IVNS1ABP: variants seen among roughly 807,000 people sequenced by gnomAD.
The protein encoded by IVNS1ABP is influenza virus NS1A binding protein, also known as influenza virus NS1A-binding protein.
In IVNS1ABP, 25 loss-of-function variants were observed where a neutral mutation model predicts 78.9. That is an observed-to-expected ratio of 0.32 (90% CI 0.23 to 0.44). The LOEUF (loss-of-function observed/expected upper bound fraction) is 0.44, where lower values mean the gene tolerates loss of function less well. Among genes scored for constraint, IVNS1ABP ranks in the 20% least tolerant of loss-of-function variants. The probability of loss-of-function intolerance (pLI) is 1.00; values close to 1 mark genes in which losing one functional copy is unlikely to be tolerated. For synonymous variants in IVNS1ABP, 241 were observed against 259.7 expected, an observed-to-expected ratio of 0.93 and a Z score of 0.69; for missense variants, 494 against 768.9, an observed-to-expected ratio of 0.64 and a Z score of 4.23.
Position 185,298,283 on chromosome 1 carries a change from G to C in IVNS1ABP, c.1681C>G (p.Leu561Val). ...CCATCAAAGCCACCACATACAAACA[G>C]TTTTCCTAAAAGAGAAATGAGATGG... Reference protein sequence around the residue: ...GAGVAVLNGKLFVCGGFDGSH... With the variant: ...GAGVAVLNGKVFVCGGFDGSH... Residue 561 changes from leucine to valine, a missense_variant, in exon 15 of 15, where the codon CTG becomes GTG. Leu to Val is a conservative substitution (Grantham distance 32, BLOSUM62 1). Transcript: ENST00000367498. This position sits in a 1 kb window ranked among gnomAD's most constrained non-coding sequence, Gnocchi z 4.1. 6.2e-7 allele frequency: 1 copy of C among 1,612,462 alleles called. No homozygotes were observed. The highest frequency in any genetic ancestry group is 8.5e-7 in the Non-Finnish European group (1 of 1,179,076).
At position 185,298,030 on chromosome 1, in the gene IVNS1ABP, A is replaced by G; in HGVS notation, c.*5T>C. 1.2e-6 allele frequency: 2 copies of G among 1,612,636 alleles called. No individual in the cohort carries two copies. Among genetic ancestry groups the G allele is most frequent in the Non-Finnish European group, 1.7e-6 (2 of 1,179,238 alleles). ...GCCTGTTAGTTTGAGAGGGTCTTAA[A>G]TTTGTTAAAACTGGAAAATCTTTGT... On this transcript the variant is annotated 3_prime_UTR_variant, in exon 15 of 15. Coordinates refer to ENST00000367498, the MANE Select transcript of IVNS1ABP (RefSeq NM_006469.5). The surrounding 1 kb of genome is among the most constrained non-coding windows in gnomAD (Gnocchi z 4.1).
chr1:185,311,484 A>G (rs1665884118), intron 1 of IVNS1ABP, among the ~76,000 whole-genome samples, 162 bp from the exon 2 acceptor site: 1 of 151,888 alleles, frequency 6.6e-6, no homozygotes, highest in Non-Finnish European at 1.5e-5. Flanking sequence ...ATGCAATTCC[A>G]CATAAACATT....
chr1:185,308,705 C>T (rs1665805941), intron 5 of IVNS1ABP, 95 bp downstream of exon 5: 1 of 895,266 alleles, frequency 1.1e-6, no homozygotes, highest in Middle Eastern at 3.4e-4. Flanking sequence ...ATGTTCAAGT[C>T]CTTGAAACTA....
chr1:185,299,626 A>G, intron 14 of IVNS1ABP, 84 bp downstream of exon 14: 2 of 1,242,382 alleles, frequency 1.6e-6, no homozygotes, highest in East Asian at 2.3e-5. Context: ...CTGTACAACT[A>G]TAGTCATTGG....
At position 185,298,942 on chromosome 1, in the gene IVNS1ABP, C is replaced by CA. The variant is rs1484855635; in HGVS notation, c.1676-655dup. The CA allele has an allele frequency of 6.6e-6, 1 of 152,110 alleles. No homozygotes were observed. Among genetic ancestry groups the CA allele is most frequent in the East Asian group, 1.9e-4 (1 of 5,194 alleles). 9.4% of individuals were successfully genotyped at this position (152,110 alleles called of 1,614,324 possible). On this transcript the variant is annotated intron_variant, in intron 14 of 14. Coordinates refer to ENST00000367498, the MANE Select transcript of IVNS1ABP (RefSeq NM_006469.5). The surrounding 1 kb of genome is among the most constrained non-coding windows in gnomAD (Gnocchi z 4.1). ...GTGGTACAGAAATTTCTTCTGGAAACAGAGTTATGATTATTTTCAAATAGA... is the reference window on the plus strand; with the variant it reads ...GTGGTACAGAAATTTCTTCTGGAAACAAGAGTTATGATTATTTTCAAATAGA...
At chr1:185,306,611 G>A (rs1665746842) in intron 7 of IVNS1ABP, 4 of 1,232,074 alleles carry the variant, frequency 3.2e-6, no homozygotes, top group Non-Finnish European at 4.1e-6. Flanking sequence ...GGGTATCCTA[G>A]TTTTGTTAAT....
chr1:185,312,478 C>T (rs952473437), intron 1 of IVNS1ABP, among the ~76,000 whole-genome samples: 1 of 152,166 alleles, frequency 6.6e-6, no homozygotes, highest in Non-Finnish European at 1.5e-5. Flanking sequence ...AGTGAATAAT[C>T]ACTTACCACA....
intron 14 of IVNS1ABP, 186 bp downstream of exon 14, chr1:185,299,524 T>G (rs1005806831): frequency 8.0e-6 from 5 of 628,186 alleles, no homozygotes; most frequent in Non-Finnish European, 1.4e-5. Context: ...ATATCAAGTA[T>G]TATAAGTCTT....
In IVNS1ABP at chr1:185,306,905, T is replaced by C. The variant is rs1665753054; in HGVS notation, c.657+109A>G. ...CAGCTTAGGGGTACCTATAGCAAAATTTAAATTCTTTAGGGTCATGGTTAT... is the reference window on the plus strand; with the variant it reads ...CAGCTTAGGGGTACCTATAGCAAAACTTAAATTCTTTAGGGTCATGGTTAT... On this transcript the variant is annotated intron_variant, in intron 7 of 14. Coordinates refer to ENST00000367498, the MANE Select transcript of IVNS1ABP (RefSeq NM_006469.5). 1.1e-5 allele frequency: 14 copies of C among 1,291,634 alleles called. No homozygotes were observed. The South Asian group carries it at 1.3e-4, about 12-fold the overall frequency. The allele number at this position is 1,291,634 out of a possible 1,614,324, so 80.0% of individuals were successfully genotyped here. A position where few individuals can be genotyped will look rare whatever the true frequency, so the allele number is the denominator to read the frequency against.
chr1:185,306,848 A>AT lies in IVNS1ABP; in HGVS notation c.657+165dup, dbSNP rs1410934579. 54 of 787,654 alleles carry AT rather than the reference A, an allele frequency of 6.9e-5. No individual in the cohort carries two copies. In the African/African-American group the frequency reaches 8.3e-4, roughly 12 times the overall value. The allele number at this position is 787,654 out of a possible 1,614,324, so 48.8% of individuals were successfully genotyped here. A position where few individuals can be genotyped will look rare whatever the true frequency, so the allele number is the denominator to read the frequency against. ...AGCAGAAGACCAAACTGAACAGTTC[A>AT]TTCAGCTCACCTGGACACCCCCCCT... On this transcript the variant is annotated intron_variant, in intron 7 of 14. Coordinates refer to ENST00000367498, the MANE Select transcript of IVNS1ABP (RefSeq NM_006469.5).
Position 185,301,458 on chromosome 1 carries a change from T to C in IVNS1ABP, c.871A>G (p.Ile291Val). The C allele has an allele frequency of 6.2e-7, 1 of 1,613,244 alleles. No homozygotes were observed. The highest frequency in any genetic ancestry group is 8.5e-7 in the Non-Finnish European group (1 of 1,179,422). The stretch of plus-strand genomic sequence containing the variant: ...CTTGAAGTCTTTTCTGAAGCAACGA[T>C]TTTCCACTCATGCTTAGGGCTTTGT... ...TVQSPKHEWK[I>V]VASEKTSNNT... Residue 291 changes from isoleucine to valine, a missense_variant, in exon 9 of 15, where the codon ATC (isoleucine) becomes GTC (valine). By Grantham distance (29) the Ile-to-Val change is conservative. Coordinates refer to ENST00000367498, the MANE Select transcript of IVNS1ABP (RefSeq NM_006469.5).
chr1:185,316,957 T>C lies in IVNS1ABP; in HGVS notation c.-251A>G. The C allele has an allele frequency of 2.5e-6, 1 of 398,464 alleles. No homozygotes were observed. The highest frequency in any genetic ancestry group is 4.4e-6 in the Non-Finnish European group (1 of 226,030). 24.7% of individuals were successfully genotyped at this position (398,464 alleles called of 1,614,324 possible). ...CGTAGAACCAGCGCGTATTACCTGG[T>C]TCATCTCTGAAGAGATGGAAACATT... On this transcript the variant is annotated 5_prime_UTR_variant, in exon 1 of 15. Coordinates refer to ENST00000367498, the MANE Select transcript of IVNS1ABP (RefSeq NM_006469.5).
At chr1:185,304,560 G>A (rs1271277610) in intron 8 of IVNS1ABP, among the ~76,000 whole-genome samples, 1 of 152,072 alleles carries the variant, frequency 6.6e-6, no homozygotes, top group Non-Finnish European at 1.5e-5. Flanking sequence ...TCCTTAGTCT[G>A]GGCTGAGTCG....
intron 1 of IVNS1ABP, among the ~76,000 whole-genome samples, chr1:185,316,263 C>T (rs553344758): frequency 1.3e-5 from 2 of 152,122 alleles, no homozygotes; most frequent in East Asian, 3.9e-4. Flanking sequence ...CGCACACCCC[C>T]GCCCCGGATT....
intron 8 of IVNS1ABP, among the ~76,000 whole-genome samples, chr1:185,301,904 T>A (rs994760767): frequency 6.6e-6 from 1 of 152,180 alleles, no homozygotes; most frequent in Non-Finnish European, 1.5e-5. Flanking sequence ...AAAAGAATGC[T>A]ATAAATTTAA....
chr1:185,303,987 C>G (rs1665667466), intron 8 of IVNS1ABP, among the ~76,000 whole-genome samples: 1 of 152,082 alleles, frequency 6.6e-6, no homozygotes, highest in African/African-American at 2.4e-5. Context: ...GGAGCATTTA[C>G]CTACTTTCCC....
At chr1:185,314,954 A>G (rs879805638) in intron 1 of IVNS1ABP, among the ~76,000 whole-genome samples, 2 of 152,224 alleles carry the variant, frequency 1.3e-5, no homozygotes, top group Admixed American at 1.3e-4. Context: ...GATGTTAAGT[A>G]TAGGTTCAGA....
Position 185,297,969 on chromosome 1 carries a change from C to A in IVNS1ABP, c.*66G>T. 1 of 1,511,364 alleles carries A rather than the reference C, an allele frequency of 6.6e-7. No homozygotes were observed. Among genetic ancestry groups the A allele is most frequent in the Non-Finnish European group, 9.0e-7 (1 of 1,107,190 alleles). 93.6% of individuals were successfully genotyped at this position (1,511,364 alleles called of 1,614,324 possible). A position where few individuals can be genotyped will look rare whatever the true frequency, so the allele number is the denominator to read the frequency against. Reference sequence around the variant, plus strand: ...TATACCCACCCACCCTCTTTATTCACAAGTGTACCTCTACTAACCATAATT... The same window carrying A: ...TATACCCACCCACCCTCTTTATTCAAAAGTGTACCTCTACTAACCATAATT... On this transcript the variant is annotated 3_prime_UTR_variant, in exon 15 of 15. Coordinates refer to ENST00000367498, the MANE Select transcript of IVNS1ABP (RefSeq NM_006469.5).
At position 185,308,894 on chromosome 1, in the gene IVNS1ABP, A is replaced by G. The variant is rs1258935758; in HGVS notation, c.282-19T>C. On this transcript the variant is annotated intron_variant, in intron 4 of 14. Coordinates refer to ENST00000367498, the MANE Select transcript of IVNS1ABP (RefSeq NM_006469.5). ...TTTCAACCTATTTAAAAAAAAAGTTACTTATGATACCAAAGCCTTAAAACA... is the reference window on the plus strand; with the variant it reads ...TTTCAACCTATTTAAAAAAAAAGTTGCTTATGATACCAAAGCCTTAAAACA... The G allele has an allele frequency of 1.9e-6, 3 of 1,592,174 alleles. 1 individual carries two copies. Among genetic ancestry groups the G allele is most frequent in the Middle Eastern group, 3.4e-4 (2 of 5,964 alleles).
Sources: allele counts gnomAD v4.1 joint callset (sites outside exome capture counted in the v4.1 genomes callset), GRCh38; gene constraint gnomAD v4.1.1; non-coding constraint Gnocchi (gnomAD v3.1); transcripts MANE v1.5; gene names NCBI Gene and HGNC (gene_info 2026-07-23, HGNC 2026-07-21).